The following CALD1 variants were observed in gnomAD, a reference collection of about 807,000 sequenced individuals.
The protein encoded by CALD1 is caldesmon.
In CALD1, 33 loss-of-function variants were observed where a neutral mutation model predicts 99.9. That is an observed-to-expected ratio of 0.33 (90% confidence interval 0.25 to 0.44). The LOEUF (loss-of-function observed/expected upper bound fraction) is 0.44, where lower values mean the gene tolerates loss of function less well. Among genes scored for constraint, CALD1 ranks in the 20% least tolerant of loss-of-function variants. The probability of loss-of-function intolerance (pLI) is 1.00; values close to 1 mark genes in which losing one functional copy is unlikely to be tolerated. For missense variants in CALD1, 861 were observed against 962.1 expected (o/e 0.89, Z 1.39); for synonymous variants, 310 against 325.0 (o/e 0.95, Z 0.50).
intron 2 of CALD1, among the ~76,000 whole-genome samples, chr7:134,846,955 T>A (rs1237550163): frequency 6.6e-6 from 1 of 152,206 alleles, no homozygotes; most frequent in Non-Finnish European, 1.5e-5. Flanking sequence ...GAGGAAACCC[T>A]TTGCAATCCA....
chr7:134,911,544 T>C (rs1353158790), intron 3 of CALD1, among the ~76,000 whole-genome samples: 1 of 152,240 alleles, frequency 6.6e-6, no homozygotes, highest in Non-Finnish European at 1.5e-5. Context: ...ACACATGGAC[T>C]GGAGTCATAT....
intron 1 of CALD1, among the ~76,000 whole-genome samples, chr7:134,823,463 G>T (rs1193304613): frequency 6.6e-6 from 1 of 152,136 alleles, no homozygotes; most frequent in Non-Finnish European, 1.5e-5. Flanking sequence ...CATGGTGCTT[G>T]GTGTTGTAGA....
intron 2 of CALD1, among the ~76,000 whole-genome samples, chr7:134,851,199 A>G (rs1023545370): frequency 1.3e-5 from 2 of 152,156 alleles, no homozygotes; most frequent in Non-Finnish European, 2.9e-5. Context: ...CCACTCCCCA[A>G]ATAGTTACCT....
chr7:134,739,599 ACATGCCAT>A (rs1796576252), upstream of CALD1, among the ~76,000 whole-genome samples: 1 of 152,142 alleles, frequency 6.6e-6, no homozygotes, highest in Admixed American at 6.5e-5. Flanking sequence ...AAAACATTCC[ACATGCCAT>A]CATCTGTCTC....
chr7:134,968,234 C>T, intron 14 of CALD1, 106 bp from the exon 15 acceptor site: 1 of 842,874 alleles, frequency 1.2e-6, no homozygotes, highest in South Asian at 1.3e-5. Context: ...TCCTGCCATA[C>T]TATTATTCAT....
At chr7:134,956,059 G>C (rs887200673) in intron 9 of CALD1, among the ~76,000 whole-genome samples, 10 of 152,054 alleles carry the variant, frequency 6.6e-5, no homozygotes, top group African/African-American at 1.9e-4. Context: ...AAAAATAAGA[G>C]TTACTTTACA....
In CALD1 at chr7:134,783,440, AG is replaced by A. The variant is rs1797185981; in HGVS notation, c.-130+3694del. On this transcript the variant is annotated intron_variant, in intron 1 of 14. Coordinates refer to ENST00000361675, the MANE Select transcript of CALD1 (RefSeq NM_033138.4). The surrounding 1 kb of genome is among the most constrained non-coding windows in gnomAD (Gnocchi z 4.3). Reference sequence around the variant, plus strand: ...ACTCTAGCACAGATAGGTTCTAGCTAGGGAAAGCCACTTGCACAGACAGAGG... The same window carrying A: ...ACTCTAGCACAGATAGGTTCTAGCTAGGAAAGCCACTTGCACAGACAGAGG... Among the ~76,000 whole-genome samples the A allele has an allele frequency of 6.6e-6, 1 of 152,174 alleles. No homozygotes were observed. The highest frequency in any genetic ancestry group is 6.5e-5 in the Admixed American group (1 of 15,278).
At chr7:134,840,807 C>G (rs1256126688) in intron 1 of CALD1, among the ~76,000 whole-genome samples, 1 of 152,128 alleles carries the variant, frequency 6.6e-6, no homozygotes, top group African/African-American at 2.4e-5. Flanking sequence ...TAAAAAACAA[C>G]TAGTTTCACA....
intron 2 of CALD1, among the ~76,000 whole-genome samples, chr7:134,849,487 G>A (rs952264630): frequency 2.0e-5 from 3 of 152,030 alleles, no homozygotes; most frequent in Non-Finnish European, 2.9e-5. Flanking sequence ...ATATCCTATC[G>A]TATACTTTAA....
the CALD1 span, among the ~76,000 whole-genome samples, chr7:134,717,527 G>C: frequency 3.9e-5 from 6 of 152,226 alleles, no homozygotes; most frequent in Non-Finnish European, 8.8e-5. Flanking sequence ...AGGAAAATAA[G>C]GGGATAGAAG....
chr7:134,957,007 A>AT (rs1304001879), intron 9 of CALD1, among the ~76,000 whole-genome samples: 2 of 152,022 alleles, frequency 1.3e-5, no homozygotes, highest in Non-Finnish European at 2.9e-5. Context: ...TAAAAAAAAA[A>AT]GAACTCATCA....
At chr7:134,848,831 T>C (rs938377907) in intron 2 of CALD1, among the ~76,000 whole-genome samples, 1 of 152,220 alleles carries the variant, frequency 6.6e-6, no homozygotes, top group Admixed American at 6.5e-5. Flanking sequence ...TTTATAAATT[T>C]TAAAATGCAA....
chr7:134,947,473 C>T, intron 7 of CALD1, 35 bp from the exon 8 acceptor site: 1 of 1,551,890 alleles, frequency 6.4e-7, no homozygotes. Flanking sequence ...CAGGCAAAAG[C>T]ATGTAAACCC....
rs1445122136 is a variant in CALD1 at position 134,947,505 on chromosome 7, C to T, written c.1533-3C>T. On this transcript the variant is annotated splice_polypyrimidine_tract_variant and splice_region_variant and intron_variant, in intron 7 of 14. Coordinates refer to ENST00000361675, the MANE Select transcript of CALD1 (RefSeq NM_033138.4). ...ACCCCTTTCCATTGCCCCCCAACCA[C>T]AGCCGCCCTGGAGGGAGGGCCAGCG... 2 of 1,566,944 alleles carry T rather than the reference C, an allele frequency of 1.3e-6. No homozygotes were observed. The highest frequency in any genetic ancestry group is 1.8e-5 in the Admixed American group (1 of 54,288).
At chr7:134,886,984 A>G (rs1801885522) in intron 3 of CALD1, among the ~76,000 whole-genome samples, 1 of 152,256 alleles carries the variant, frequency 6.6e-6, no homozygotes, top group Non-Finnish European at 1.5e-5. Context: ...GCAAAAAGGA[A>G]TGTGCTGGGA....
the CALD1 span, among the ~76,000 whole-genome samples, chr7:134,716,154 T>G: frequency 1.3e-5 from 2 of 152,182 alleles, no homozygotes; most frequent in Non-Finnish European, 2.9e-5. Flanking sequence ...GAAAACGGAA[T>G]ATGAACTAAA....
chr7:134,826,343 T>A (rs1798994641), intron 1 of CALD1, among the ~76,000 whole-genome samples: 1 of 152,192 alleles, frequency 6.6e-6, no homozygotes, highest in Non-Finnish European at 1.5e-5. Flanking sequence ...TCCTTCGTCA[T>A]GTTTGAAATA....
chr7:134,941,158 A>C lies in CALD1; in HGVS notation c.1453A>C (p.Lys485Gln). Residue 485 changes from lysine to glutamine, a missense_variant, in exon 7 of 15, where the codon AAG (lysine) becomes CAG (glutamine). Physicochemically the swap from Lys to Gln is moderately conservative, Grantham distance 53. Transcript: ENST00000361675. ...AGAAGTTAAGAGCTTCATGGATCGA[A>C]AGAAGGGATTTACAGAAGTTAAGTC... Reference protein sequence around the residue: ...KEEVKSFMDRKKGFTEVKSQN... With the variant: ...KEEVKSFMDRQKGFTEVKSQN... The C allele has an allele frequency of 6.2e-7, 1 of 1,613,150 alleles. No individual in the cohort carries two copies. The highest frequency in any genetic ancestry group is 8.5e-7 in the Non-Finnish European group (1 of 1,179,428).
At chr7:134,822,453 G>C (rs1008793493) in intron 1 of CALD1, among the ~76,000 whole-genome samples, 1 of 152,132 alleles carries the variant, frequency 6.6e-6, no homozygotes, top group Non-Finnish European at 1.5e-5. Flanking sequence ...TGTCAAACAA[G>C]AAAGACATTT....
Sources: allele counts gnomAD v4.1 joint callset (sites outside exome capture counted in the v4.1 genomes callset), GRCh38; gene constraint gnomAD v4.1.1; non-coding constraint Gnocchi (gnomAD v3.1); transcripts MANE v1.5; gene names NCBI Gene and HGNC (gene_info 2026-07-23, HGNC 2026-07-21).